MTMR9: variants seen among roughly 807,000 people sequenced by gnomAD.
The protein encoded by MTMR9 is myotubularin-related protein 9.
A neutral mutation model predicts 69.5 loss-of-function variants in MTMR9; 39 were observed. That is an observed-to-expected ratio of 0.56 (90% confidence interval 0.43 to 0.73). The LOEUF (loss-of-function observed/expected upper bound fraction) is 0.73. MTMR9 is among the 30% of genes least tolerant of loss of function. The pLI is 0.00. For synonymous variants in MTMR9, 354 were observed against 240.8 expected, an observed-to-expected ratio of 1.47 and a Z score of -4.35; for missense variants, 900 against 671.2, an observed-to-expected ratio of 1.34 and a Z score of -3.77.
At chr8:11,328,427 C>T (rs1024384128), downstream of MTMR9, among the ~76,000 whole-genome samples, 1 of 151,760 alleles carries the variant, frequency 6.6e-6, no homozygotes, top group Non-Finnish European at 1.5e-5. Flanking sequence ...CATTGTGACC[C>T]TGTCTTCTAA....
At chr8:11,295,395 G>C (rs1283907156) in intron 2 of MTMR9, 93 bp downstream of exon 2, 4 of 790,634 alleles carry the variant, frequency 5.1e-6, no homozygotes, top group Non-Finnish European at 8.6e-6. Flanking sequence ...ATTTAGTCAT[G>C]TTCTCTGACT....
chr8:11,299,863 G>A (rs973531589), intron 2 of MTMR9, among the ~76,000 whole-genome samples, 160 bp from the exon 3 acceptor site: 2 of 152,108 alleles, frequency 1.3e-5, no homozygotes, highest in Non-Finnish European at 2.9e-5. Context: ...ATCAGCTTCA[G>A]TAAGACTAAA....
Position 11,306,505 on chromosome 8 carries a change from C to T in MTMR9, c.809+98C>T, listed in dbSNP as rs980944362. On this transcript the variant is annotated intron_variant, in intron 5 of 9. Coordinates refer to ENST00000221086, the MANE Select transcript of MTMR9 (RefSeq NM_015458.4). Reference sequence around the variant, plus strand: ...AAATCACAAGTGCTCAAATTAACTTCTGCATTAATTTAGGGTCAATGATGG... The same window carrying T: ...AAATCACAAGTGCTCAAATTAACTTTTGCATTAATTTAGGGTCAATGATGG... The T allele has an allele frequency of 7.7e-6, 8 of 1,037,540 alleles. No individual in the cohort carries two copies. In the African/African-American group the frequency reaches 1.1e-4, roughly 15 times the overall value. 64.3% of individuals were successfully genotyped at this position (1,037,540 alleles called of 1,614,324 possible). A position where few individuals can be genotyped will look rare whatever the true frequency, so the allele number is the denominator to read the frequency against.
chr8:11,299,526 C>T (rs532545078), intron 2 of MTMR9, among the ~76,000 whole-genome samples: 359 of 152,190 alleles, frequency 2.4e-3, no homozygotes, highest in Admixed American at 5.6e-3. Flanking sequence ...AATTTCAGTC[C>T]GGCATTCTCA....
At chr8:11,291,590 A>G (rs1461324307) in intron 1 of MTMR9, among the ~76,000 whole-genome samples, 2 of 152,122 alleles carry the variant, frequency 1.3e-5, no homozygotes, top group African/African-American at 4.8e-5. Flanking sequence ...CATTGAATAA[A>G]TGAATGGAGA....
At chr8:11,307,580 A>T (rs1799987125) in intron 5 of MTMR9, among the ~76,000 whole-genome samples, 1 of 152,116 alleles carries the variant, frequency 6.6e-6, no homozygotes. Context: ...GGATTACTGG[A>T]TCTTATTGCA....
At position 11,327,304 on chromosome 8, in the gene MTMR9, A is replaced by G. The variant is rs1322473061; in HGVS notation, c.*4516A>G. On this transcript the variant is annotated 3_prime_UTR_variant, in exon 10 of 10. Coordinates refer to ENST00000221086, the MANE Select transcript of MTMR9 (RefSeq NM_015458.4). The stretch of plus-strand genomic sequence containing the variant: ...AATTTAGTGGAAGATAATGAGGCTC[A>G]CTGTAAACACTACATTGTCCTGCAA... 6.6e-6 allele frequency: 1 copy of G among 152,244 alleles called. No homozygotes were observed. Among genetic ancestry groups the G allele is most frequent in the Non-Finnish European group, 1.5e-5 (1 of 68,044 alleles). The allele number at this position is 152,244 out of a possible 1,614,324, so 9.4% of individuals were successfully genotyped here. A position where few individuals can be genotyped will look rare whatever the true frequency, so the allele number is the denominator to read the frequency against.
intron 4 of MTMR9, among the ~76,000 whole-genome samples, chr8:11,305,914 C>G (rs1799922204): frequency 6.6e-6 from 1 of 152,096 alleles, no homozygotes; most frequent in Non-Finnish European, 1.5e-5. Context: ...GATTCACACA[C>G]TAAATGAATT....
chr8:11,295,401 T>A lies in MTMR9; in HGVS notation c.291+99T>A, dbSNP rs117553992. On this transcript the variant is annotated intron_variant, in intron 2 of 9. Transcript: ENST00000221086. The stretch of plus-strand genomic sequence containing the variant: ...CATTAGATAATTTAGTCATGTTCTC[T>A]GACTCAAATACTGAAGACTGATAGG... 1,414 of 765,974 alleles carry A rather than the reference T, an allele frequency of 1.8e-3. 3 individuals are homozygous for A. Among genetic ancestry groups the A allele is most frequent in the Non-Finnish European group, 2.6e-3 (1,175 of 444,702 alleles). 47.4% of individuals were successfully genotyped at this position (765,974 alleles called of 1,614,324 possible).
At chr8:11,332,052 G>A, downstream of MTMR9, 5 of 1,611,956 alleles carry the variant, frequency 3.1e-6, no homozygotes, top group Non-Finnish European at 3.4e-6. Context: ...GGCAGGGGTT[G>A]TGCTGGGCAG....
At chr8:11,287,219 AC>A (rs1279713640) in intron 1 of MTMR9, among the ~76,000 whole-genome samples, 1 of 152,220 alleles carries the variant, frequency 6.6e-6, no homozygotes, top group Non-Finnish European at 1.5e-5. Context: ...AGAAGGATTG[AC>A]CGCTGAATGG....
rs1408339793 is a variant in MTMR9, at chr8:11,325,683, ATTG to A, written c.*2901_*2903del. On this transcript the variant is annotated 3_prime_UTR_variant, in exon 10 of 10. Transcript: ENST00000221086. ...TTTTTTTTTTTTTAATCAGAAGAACATTGTTGTTTGATTATATGTTTTTAAAAA... is the reference window on the plus strand; with the variant it reads ...TTTTTTTTTTTTTAATCAGAAGAACATTGTTTGATTATATGTTTTTAAAAA... 1.3e-5 allele frequency: 2 copies of A among 151,378 alleles called. No homozygotes were observed. The highest frequency in any genetic ancestry group is 1.3e-4 in the Admixed American group (2 of 15,174). 9.4% of individuals were successfully genotyped at this position (151,378 alleles called of 1,614,324 possible). A position where few individuals can be genotyped will look rare whatever the true frequency, so the allele number is the denominator to read the frequency against.
intron 1 of MTMR9, among the ~76,000 whole-genome samples, chr8:11,285,592 T>G (rs902500476): frequency 2.6e-5 from 4 of 152,204 alleles, no homozygotes; most frequent in Non-Finnish European, 2.9e-5. Context: ...TAATTCTCAC[T>G]AAGGGAGATT....
intron 4 of MTMR9, 112 bp downstream of exon 4, chr8:11,305,126 TC>T: frequency 2.8e-6 from 3 of 1,056,216 alleles, no homozygotes; most frequent in East Asian, 2.6e-5. Flanking sequence ...TGTCCAGGTC[TC>T]CACCACAAGG....
chr8:11,314,087 T>C (rs1800313823), intron 6 of MTMR9, among the ~76,000 whole-genome samples: 1 of 152,202 alleles, frequency 6.6e-6, no homozygotes, highest in Admixed American at 6.5e-5. Flanking sequence ...AGAGTGAGAA[T>C]AGAGGAAATT....
At chr8:11,330,087 C>A (rs922989464), downstream of MTMR9, among the ~76,000 whole-genome samples, 3 of 152,122 alleles carry the variant, frequency 2.0e-5, no homozygotes, top group Admixed American at 2.0e-4. Flanking sequence ...TGGCAGCCGC[C>A]CCATCCGGGA....
intron 3 of MTMR9, among the ~76,000 whole-genome samples, chr8:11,302,725 T>C (rs1430007216): frequency 1.3e-5 from 2 of 152,042 alleles, no homozygotes; most frequent in Non-Finnish European, 2.9e-5. Context: ...GAAGGAAAAA[T>C]ACAGGGTATA....
the MTMR9 span, among the ~76,000 whole-genome samples, chr8:11,339,001 A>T: frequency 8.5e-5 from 13 of 152,220 alleles, no homozygotes; most frequent in African/African-American, 3.1e-4. Context: ...CTGCTTTTAG[A>T]GTAGGGTCAT....
At chr8:11,306,444 A>G in intron 5 of MTMR9, 37 bp downstream of exon 5, 1 of 1,583,522 alleles carries the variant, frequency 6.3e-7, no homozygotes, top group Non-Finnish European at 8.7e-7. Context: ...CTCTTATTAG[A>G]AGCTAATTAT....
Sources: gnomAD v4.1 joint callset for allele counts (sites outside exome capture counted in the v4.1 genomes callset) on GRCh38, gnomAD v4.1.1 for gene constraint, MANE v1.5 for transcripts, NCBI Gene and HGNC (gene_info 2026-07-23, HGNC 2026-07-21) for gene names.